The following BRD10 variants were observed in gnomAD, a reference collection of about 807,000 sequenced individuals.
BRD10 encodes the protein bromodomain containing 10.
At chr9:5,976,443 A>C in the BRD10 span, among the ~76,000 whole-genome samples, 1 of 152,200 alleles carries the variant, frequency 6.6e-6, no homozygotes, top group Non-Finnish European at 1.5e-5. Context: ...AGGATACTGT[A>C]TCTTAGAATC....
the BRD10 span, among the ~76,000 whole-genome samples, chr9:5,948,339 C>G: frequency 6.6e-6 from 1 of 152,086 alleles, no homozygotes. Context: ...TATAACAACA[C>G]AAAAATAAAG....
the BRD10 span, among the ~76,000 whole-genome samples, chr9:6,005,164 T>C: frequency 2.1e-3 from 321 of 152,356 alleles, no homozygotes; most frequent in Admixed American, 4.2e-3. Context: ...TCTAAGCATT[T>C]AGAAATTTAC....
chr9:5,934,028 C>G, the BRD10 span: 3 of 258,150 alleles, frequency 1.2e-5, 1 homozygote, highest in South Asian at 1.3e-4. Context: ...CAGTTACTTA[C>G]ATAGATTTTT....
At chr9:5,934,695 A>G in the BRD10 span, among the ~76,000 whole-genome samples, 26 of 152,092 alleles carry the variant, frequency 1.7e-4, no homozygotes, top group African/African-American at 6.3e-4. Flanking sequence ...AAACACAAAT[A>G]CCTTTTAGAA....
chr9:5,891,068 C>T, the BRD10 span: 1 of 152,166 alleles, frequency 6.6e-6, no homozygotes, highest in African/African-American at 2.4e-5. Context: ...TTCTCCGCAA[C>T]GTTTGTCAGT....
At chr9:5,897,494 G>T in the BRD10 span, 3 of 1,430,102 alleles carry the variant, frequency 2.1e-6, no homozygotes, top group Non-Finnish European at 3.0e-6. Context: ...ACTGATTTAT[G>T]CTTCATCATA....
the BRD10 span, among the ~76,000 whole-genome samples, chr9:5,978,111 A>C: frequency 6.6e-6 from 1 of 151,242 alleles, no homozygotes; most frequent in African/African-American, 2.4e-5. Context: ...AATTGGTTCA[A>C]TTTTTTTTTC....
chr9:5,920,870 G>C, the BRD10 span: 1 of 1,613,974 alleles, frequency 6.2e-7, no homozygotes, highest in Non-Finnish European at 8.5e-7. Context: ...AGTTGATATA[G>C]CCACAGTGTT....
At chr9:5,988,082 A>T in the BRD10 span, among the ~76,000 whole-genome samples, 1 of 152,246 alleles carries the variant, frequency 6.6e-6, no homozygotes, top group Non-Finnish European at 1.5e-5. Context: ...TTTAAAACTT[A>T]TAATTCACTT....
the BRD10 span, among the ~76,000 whole-genome samples, chr9:5,894,308 G>A: frequency 1.3e-5 from 2 of 152,144 alleles, no homozygotes; most frequent in African/African-American, 4.8e-5. The surrounding 1 kb of genome is among the most constrained non-coding windows in gnomAD (Gnocchi z 4.0). Context: ...CAACTAGATG[G>A]TTCAACATAG....
At chr9:5,881,131 C>A in the BRD10 span, among the ~76,000 whole-genome samples, 1 of 152,312 alleles carries the variant, frequency 6.6e-6, no homozygotes, top group African/African-American at 2.4e-5. Context: ...ATCCTTCCCC[C>A]ACCCCTGACA....
At chr9:5,892,211 T>C in the BRD10 span, among the ~76,000 whole-genome samples, 1 of 152,228 alleles carries the variant, frequency 6.6e-6, no homozygotes, top group South Asian at 2.1e-4. Flanking sequence ...TTGCTTTTGT[T>C]TGTAGTTTCT....
At chr9:5,978,347 A>C in the BRD10 span, among the ~76,000 whole-genome samples, 11 of 151,776 alleles carry the variant, frequency 7.2e-5, no homozygotes, top group African/African-American at 2.7e-4. Context: ...CAACACAAAG[A>C]GGTGAGAAAA....
chr9:6,004,327 T>A, the BRD10 span, among the ~76,000 whole-genome samples: 2 of 152,232 alleles, frequency 1.3e-5, no homozygotes, highest in Non-Finnish European at 2.9e-5. Context: ...AACTTATCTT[T>A]TGATCTCAGG....
the BRD10 span, among the ~76,000 whole-genome samples, chr9:5,989,098 C>T: frequency 1.3e-5 from 2 of 151,614 alleles, no homozygotes; most frequent in Non-Finnish European, 2.9e-5. Flanking sequence ...GGCGCGGTGG[C>T]GCATGCCTGT....
chr9:5,991,006 T>C, the BRD10 span, among the ~76,000 whole-genome samples: 135,674 of 152,192 alleles, frequency 0.89, 61,427 homozygotes, highest in Non-Finnish European at 0.99. Context: ...GTACTGAACA[T>C]TACAACATGG....
chr9:5,952,853 G>T, the BRD10 span, among the ~76,000 whole-genome samples: 1 of 152,084 alleles, frequency 6.6e-6, no homozygotes, highest in Non-Finnish European at 1.5e-5. Context: ...TGGTATAAAG[G>T]CCTCTAAGTA....
At chr9:5,977,101 A>G in the BRD10 span, among the ~76,000 whole-genome samples, 1 of 152,236 alleles carries the variant, frequency 6.6e-6, no homozygotes, top group East Asian at 1.9e-4. Flanking sequence ...CTAGCAGGTC[A>G]GTATAAGAGA....
chr9:5,883,044 G>GATAT, the BRD10 span, among the ~76,000 whole-genome samples: 1 of 152,114 alleles, frequency 6.6e-6, no homozygotes, highest in African/African-American at 2.4e-5. Flanking sequence ...AGCATTAGGA[G>GATAT]ATATACCTAA....
Sources: allele counts gnomAD v4.1 joint callset (sites outside exome capture counted in the v4.1 genomes callset), GRCh38; gene constraint gnomAD v4.1.1; non-coding constraint Gnocchi (gnomAD v3.1); transcripts MANE v1.5; gene names NCBI Gene and HGNC (gene_info 2026-07-23, HGNC 2026-07-21).